MREG: variants seen among roughly 807,000 people sequenced by gnomAD.
The protein encoded by MREG is dilute suppressor protein homolog.
In MREG, 31 loss-of-function variants were observed where a neutral mutation model predicts 28.5. The observed-to-expected ratio is 1.09, with a 90% CI of 0.82 to 1.47. The LOEUF (loss-of-function observed/expected upper bound fraction) is 1.47, where lower values mean the gene tolerates loss of function less well. MREG is among the 40% of genes most tolerant of loss of function. MREG has a pLI of 0.00. For missense variants in MREG, 256 were observed against 257.4 expected (o/e 0.99, Z 0.04); for synonymous variants, 106 against 95.2 (o/e 1.11, Z -0.66).
At chr2:215,988,678 T>C (rs950405686) in intron 2 of MREG, among the ~76,000 whole-genome samples, 4 of 152,200 alleles carry the variant, frequency 2.6e-5, no homozygotes, top group African/African-American at 4.8e-5. Flanking sequence ...CAGTCTGAAG[T>C]TGACCTGGGA....
chr2:215,999,066 G>A (rs1693945522), intron 1 of MREG, among the ~76,000 whole-genome samples: 1 of 152,206 alleles, frequency 6.6e-6, no homozygotes, highest in Non-Finnish European at 1.5e-5. Context: ...CCTTGTAGAA[G>A]GATCAGCTCA....
chr2:216,004,917 T>C (rs1694110476), intron 1 of MREG, among the ~76,000 whole-genome samples: 1 of 151,892 alleles, frequency 6.6e-6, no homozygotes, highest in South Asian at 2.1e-4. Flanking sequence ...TGAGAAGAGA[T>C]CTAAATAAAG....
At chr2:215,989,745 G>C (rs1388097979) in intron 2 of MREG, among the ~76,000 whole-genome samples, 1 of 151,874 alleles carries the variant, frequency 6.6e-6, no homozygotes, top group Non-Finnish European at 1.5e-5. Flanking sequence ...ACTTCATGAA[G>C]CATTCGCAAG....
chr2:215,958,159 T>A (rs1692680150), intron 2 of MREG, among the ~76,000 whole-genome samples: 1 of 151,412 alleles, frequency 6.6e-6, no homozygotes, highest in Non-Finnish European at 1.5e-5. Flanking sequence ...TAATGCTAAA[T>A]GACAAGTTAA....
intron 1 of MREG, among the ~76,000 whole-genome samples, chr2:216,025,816 C>T (rs542914291): frequency 6.6e-6 from 1 of 152,344 alleles, no homozygotes; most frequent in African/African-American, 2.4e-5. Context: ...ATCCCTGCAC[C>T]GAAATCCATC....
intron 1 of MREG, among the ~76,000 whole-genome samples, chr2:216,006,923 G>A (rs1694170077): frequency 6.6e-6 from 1 of 152,078 alleles, no homozygotes; most frequent in African/African-American, 2.4e-5. Flanking sequence ...TCTGGACCCT[G>A]GGCTATAACA....
In MREG at chr2:215,947,033, T is replaced by A; in HGVS notation, c.336A>T (p.Leu112Phe). 6.3e-7 allele frequency: 1 copy of A among 1,596,160 alleles called. No homozygotes were observed. Among genetic ancestry groups the A allele is most frequent in the East Asian group, 2.2e-5 (1 of 44,788 alleles). ...CTCTTTTAGACTTACCTAAATCTTC[T>A]AAGATGCACTTCCATCTGTTTCTTA... The part of the protein sequence containing the change: ...REVRNRWKCI[L>F]EDLGFQKEAD... The change falls in exon 3 of 5, where the codon TTA (leucine) becomes TTT (phenylalanine). Residue 112 changes from leucine to phenylalanine, a missense_variant. Coordinates refer to ENST00000263268, the MANE Select transcript of MREG (RefSeq NM_018000.3).
At chr2:215,952,192 C>T (rs1198321674) in intron 2 of MREG, among the ~76,000 whole-genome samples, 1 of 152,120 alleles carries the variant, frequency 6.6e-6, no homozygotes, top group African/African-American at 2.4e-5. Flanking sequence ...AAGTTGTTTC[C>T]ATATCTTGGC....
chr2:216,030,948 TCTCTCTCTCACACA>T (rs1410899395), intron 1 of MREG, among the ~76,000 whole-genome samples: 30 of 97,326 alleles, frequency 3.1e-4, no homozygotes, highest in African/African-American at 1.1e-3. Flanking sequence ...TCTCTCTCTC[TCTCTCTCTCACACA>T]CACACACACA....
At chr2:216,005,851 A>G (rs1004161368) in intron 1 of MREG, among the ~76,000 whole-genome samples, 3 of 151,730 alleles carry the variant, frequency 2.0e-5, no homozygotes, top group Non-Finnish European at 4.4e-5. Flanking sequence ...GTAAAAAAAA[A>G]AAAAAAAAAA....
At chr2:216,010,952 C>T (rs920854202) in intron 1 of MREG, among the ~76,000 whole-genome samples, 5 of 151,410 alleles carry the variant, frequency 3.3e-5, no homozygotes, top group Admixed American at 2.6e-4. Context: ...AAAAATTAGC[C>T]GGGCGCAGTG....
chr2:216,011,740 G>T (rs1694316982), intron 1 of MREG, among the ~76,000 whole-genome samples: 1 of 152,076 alleles, frequency 6.6e-6, no homozygotes, highest in African/African-American at 2.4e-5. Context: ...AAAACAACCA[G>T]AACTATTAAC....
chr2:215,952,449 A>G (rs1692515882), intron 2 of MREG, among the ~76,000 whole-genome samples: 1 of 152,230 alleles, frequency 6.6e-6, no homozygotes, highest in African/African-American at 2.4e-5. Context: ...TATCTTGAAT[A>G]TATATAATTT....
chr2:215,996,544 TATCA>T, intron 1 of MREG, 79 bp from the exon 2 acceptor site: 3 of 1,039,312 alleles, frequency 2.9e-6, no homozygotes, highest in East Asian at 2.4e-5. Flanking sequence ...CAACATACAA[TATCA>T]ATTAAAACTT....
intron 1 of MREG, among the ~76,000 whole-genome samples, chr2:216,030,874 G>A (rs1305830643): frequency 6.7e-6 from 1 of 148,814 alleles, no homozygotes; most frequent in African/African-American, 2.5e-5. Context: ...TAATTCTGTG[G>A]GCAATTTATT....
chr2:215,949,293 C>T (rs1692420798), intron 2 of MREG, among the ~76,000 whole-genome samples: 2 of 150,294 alleles, frequency 1.3e-5, no homozygotes, highest in South Asian at 4.2e-4. Flanking sequence ...GGCATGCTGG[C>T]TCATGCCTAT....
intron 1 of MREG, among the ~76,000 whole-genome samples, chr2:216,032,500 G>A (rs1484675213): frequency 1.3e-5 from 2 of 152,200 alleles, no homozygotes; most frequent in Non-Finnish European, 2.9e-5. Context: ...TGCTAACCCA[G>A]CATGGGAGGC....
chr2:215,946,955 T>C, intron 3 of MREG, 68 bp downstream of exon 3: 2 of 912,222 alleles, frequency 2.2e-6, no homozygotes, highest in Non-Finnish European at 3.6e-6. Flanking sequence ...AAAACCATGG[T>C]GGAGAAATTG....
At chr2:216,017,721 T>A, upstream of MREG, among the ~76,000 whole-genome samples, 1 of 152,126 alleles carries the variant, frequency 6.6e-6, no homozygotes, top group African/African-American at 2.4e-5. Flanking sequence ...GATTTCCCCA[T>A]AGCAGGGGAA....
Sources: gnomAD v4.1 joint callset for allele counts (sites outside exome capture counted in the v4.1 genomes callset) on GRCh38, gnomAD v4.1.1 for gene constraint, MANE v1.5 for transcripts, NCBI Gene and HGNC (gene_info 2026-07-23, HGNC 2026-07-21) for gene names.